ARHGEF28: variants seen among roughly 807,000 people sequenced by gnomAD.
The protein encoded by ARHGEF28 is Rho guanine nucleotide exchange factor 28.
Under a neutral mutation model 206.6 loss-of-function variants are expected in ARHGEF28, and 152 were observed. That is an observed-to-expected ratio of 0.74 (90% CI 0.64 to 0.84). The LOEUF is 0.84. ARHGEF28 is among the 40% of genes least tolerant of loss of function. ARHGEF28 has a pLI of 0.00. For synonymous variants in ARHGEF28, 763 were observed against 776.4 expected (o/e 0.98, Z 0.29); for missense variants, 2,028 against 2,073.2 (o/e 0.98, Z 0.42).
intron 29 of ARHGEF28, among the ~76,000 whole-genome samples, chr5:73,897,403 T>G (rs1479287333): frequency 6.6e-6 from 1 of 152,160 alleles, no homozygotes; most frequent in Non-Finnish European, 1.5e-5. Flanking sequence ...GATCCTGTTT[T>G]CTCCTCCAGA....
chr5:73,901,350 C>T, intron 31 of ARHGEF28, 66 bp downstream of exon 31: 1 of 1,387,550 alleles, frequency 7.2e-7, no homozygotes. Flanking sequence ...GCCTCAGGTT[C>T]TGGTCTGTCA....
chr5:73,849,679 T>C (rs878892295), intron 13 of ARHGEF28, among the ~76,000 whole-genome samples: 1 of 152,062 alleles, frequency 6.6e-6, no homozygotes, highest in Admixed American at 6.6e-5. Context: ...ATCATAAATA[T>C]GCATCTTGAA....
At chr5:73,638,888 C>CT (rs1020845186) in intron 1 of ARHGEF28, among the ~76,000 whole-genome samples, 28 of 152,090 alleles carry the variant, frequency 1.8e-4, no homozygotes. Flanking sequence ...TTGTTGTTAA[C>CT]TTTTTTCTAT....
chr5:73,941,167 CTAAT>C lies in ARHGEF28; in HGVS notation c.*158_*161del, dbSNP rs1742594323. ...GGAAGCTCATTTTTTTGGCATGAGT[CTAAT>C]TAAATTATTGAAAGCCACCCTGTTT... is the stretch of plus-strand genomic sequence containing the variant. On this transcript the variant is annotated 3_prime_UTR_variant, in exon 36 of 36. Transcript: ENST00000513042. The C allele has an allele frequency of 1.5e-6, 1 of 683,210 alleles. No individual in the cohort carries two copies. The highest frequency in any genetic ancestry group is 2.1e-6 in the Non-Finnish European group (1 of 487,094). 42.3% of individuals were successfully genotyped at this position (683,210 alleles called of 1,614,324 possible).
At chr5:73,866,663 G>A (rs1161834067) in intron 18 of ARHGEF28, among the ~76,000 whole-genome samples, 2 of 152,200 alleles carry the variant, frequency 1.3e-5, no homozygotes, top group Non-Finnish European at 2.9e-5. Flanking sequence ...TTTTCCTGAA[G>A]TGTATATTGC....
chr5:73,825,743 T>A (rs1401212133), intron 9 of ARHGEF28, among the ~76,000 whole-genome samples: 1 of 151,974 alleles, frequency 6.6e-6, no homozygotes, highest in Non-Finnish European at 1.5e-5. Context: ...AAGAAAACAG[T>A]CAAGGGTGAC....
At chr5:73,712,058 T>C (rs1052128479) in intron 2 of ARHGEF28, among the ~76,000 whole-genome samples, 1 of 152,196 alleles carries the variant, frequency 6.6e-6, no homozygotes. Flanking sequence ...GCATGGTTTT[T>C]CTTCTTTAGT....
chr5:73,874,579 C>T (rs1228541744), intron 22 of ARHGEF28, among the ~76,000 whole-genome samples: 1 of 124,770 alleles, frequency 8.0e-6, no homozygotes, highest in Non-Finnish European at 1.7e-5. Context: ...TCCCCCCACC[C>T]CACAACAGTC....
At chr5:73,845,566 ACT>A (rs1302321778) in intron 11 of ARHGEF28, among the ~76,000 whole-genome samples, 1 of 152,062 alleles carries the variant, frequency 6.6e-6, no homozygotes, top group Non-Finnish European at 1.5e-5. Context: ...CAGCCCAGTG[ACT>A]CTGTTTCCAC....
rs140535993 is a variant in ARHGEF28, at chr5:73,886,220, G to A, written c.3310+116G>A. ...TGCAGGCACACATGCGCAAACCCTG[G>A]GTCAGTTGAAAGATTGATTTGTGAA... is the stretch of plus-strand genomic sequence containing the variant. On this transcript the variant is annotated intron_variant, in intron 25 of 35. Transcript: ENST00000513042. 6 of 1,297,768 alleles carry A rather than the reference G, an allele frequency of 4.6e-6. No individual in the cohort carries two copies. The East Asian group carries it at 9.8e-5, about 21-fold the overall frequency. 80.4% of individuals were successfully genotyped at this position (1,297,768 alleles called of 1,614,324 possible).
At chr5:73,914,907 AT>A (rs1178247653) in intron 35 of ARHGEF28, among the ~76,000 whole-genome samples, 1 of 151,972 alleles carries the variant, frequency 6.6e-6, no homozygotes, top group Admixed American at 6.5e-5. Flanking sequence ...TGCCCAGCTA[AT>A]TTTTGGCTTT....
chr5:73,721,309 C>T (rs575461057), intron 2 of ARHGEF28, among the ~76,000 whole-genome samples: 5 of 152,314 alleles, frequency 3.3e-5, no homozygotes, highest in African/African-American at 1.2e-4. Context: ...TAGCTTCTTT[C>T]TTCAACCTTC....
chr5:73,822,227 G>C (rs897602856), intron 9 of ARHGEF28, among the ~76,000 whole-genome samples: 7 of 152,130 alleles, frequency 4.6e-5, no homozygotes, highest in African/African-American at 1.7e-4. Flanking sequence ...GAATCCACTG[G>C]CTTTGTCCCC....
chr5:73,647,261 T>C (rs1744492292), intron 1 of ARHGEF28, among the ~76,000 whole-genome samples: 1 of 152,188 alleles, frequency 6.6e-6, no homozygotes, highest in African/African-American at 2.4e-5. Context: ...ATATAAGACA[T>C]ATGTGAAATG....
chr5:73,716,981 G>T (rs954595751), intron 2 of ARHGEF28, among the ~76,000 whole-genome samples: 2 of 151,984 alleles, frequency 1.3e-5, no homozygotes, highest in Admixed American at 6.6e-5. Context: ...GCTGCTTTTA[G>T]ATGTGACTTT....
chr5:73,653,433 G>A (rs80124227), intron 1 of ARHGEF28, among the ~76,000 whole-genome samples: 2,980 of 152,212 alleles, frequency 0.02, 36 homozygotes, highest in Non-Finnish European at 0.03. Flanking sequence ...TTGATCTCTG[G>A]TAGGAGTTTG....
chr5:73,940,998 T>A lies in ARHGEF28; in HGVS notation c.5103T>A (p.Asn1701Lys). The A allele has an allele frequency of 6.6e-7, 1 of 1,515,414 alleles. No homozygotes were observed. The highest frequency in any genetic ancestry group is 8.8e-7 in the Non-Finnish European group (1 of 1,140,554). 93.9% of individuals were successfully genotyped at this position (1,515,414 alleles called of 1,614,324 possible). A position where few individuals can be genotyped will look rare whatever the true frequency, so the allele number is the denominator to read the frequency against. ...DGETGDGAKE[N>K]IVYL ...AAACTGGAGATGGAGCCAAAGAAAATATTGTTTACCTCTAATTGTGTTGTC... is the reference window on the plus strand; with the variant it reads ...AAACTGGAGATGGAGCCAAAGAAAAAATTGTTTACCTCTAATTGTGTTGTC... The change falls in exon 36 of 36, where the codon AAT becomes AAA. Residue 1701 changes from asparagine (N) to lysine (K), a missense_variant. By Grantham distance (94) the Asn-to-Lys change is moderately conservative (BLOSUM62 0). Coordinates refer to ENST00000513042, the MANE Select transcript of ARHGEF28 (RefSeq NM_001177693.2).
intron 7 of ARHGEF28, 114 bp downstream of exon 7, chr5:73,780,859 A>G: frequency 8.8e-7 from 1 of 1,132,062 alleles, no homozygotes; most frequent in South Asian, 1.4e-5. Context: ...GCTCAGAGGC[A>G]AGATCAGGGG....
chr5:73,785,034 A>AC (rs1180670108), intron 7 of ARHGEF28, among the ~76,000 whole-genome samples: 1 of 152,192 alleles, frequency 6.6e-6, no homozygotes, highest in Non-Finnish European at 1.5e-5. Flanking sequence ...GTGAGATATC[A>AC]TGAGATTTCA....
Sources: gnomAD v4.1 joint callset for allele counts (sites outside exome capture counted in the v4.1 genomes callset) on GRCh38, gnomAD v4.1.1 for gene constraint, MANE v1.5 for transcripts, NCBI Gene and HGNC (gene_info 2026-07-23, HGNC 2026-07-21) for gene names.